Variants in PARVA observed in about 807,000 individuals in gnomAD.
PARVA encodes alpha-parvin.
PARVA carries 25 observed loss-of-function variants against 52.6 expected under a neutral mutation model. That is an observed-to-expected ratio of 0.48 (90% confidence interval 0.35 to 0.66). PARVA has a LOEUF of 0.66. Ranked by LOEUF, PARVA falls within the 30% of genes least tolerant of loss-of-function variation. PARVA has a pLI of 0.01. For missense variants in PARVA, 373 were observed against 450.9 expected (o/e 0.83, Z 1.56); for synonymous variants, 185 against 179.1 (o/e 1.03, Z -0.26).
At position 12,444,470 on chromosome 11, in the gene PARVA, G is replaced by C. The variant is rs184454234; in HGVS notation, c.137-29275G>C. Among the ~76,000 whole-genome samples, 427 of 151,836 alleles carry C rather than the reference G, an allele frequency of 2.8e-3. 3 individuals carry two copies. Among genetic ancestry groups the C allele is most frequent in the Middle Eastern group, 6.8e-3 (2 of 294 alleles). On this transcript the variant is annotated intron_variant, in intron 1 of 12. Coordinates refer to ENST00000334956, the MANE Select transcript of PARVA (RefSeq NM_018222.5). ...TTCTTTTTTTTTTATAGAGATATAGGGTCTCACTCTGTTGCCCAGGCTGGA... is the reference window on the plus strand; with the variant it reads ...TTCTTTTTTTTTTATAGAGATATAGCGTCTCACTCTGTTGCCCAGGCTGGA...
At chr11:12,513,887 G>C in intron 9 of PARVA, 110 bp from the exon 10 acceptor site, 1 of 972,512 alleles carries the variant, frequency 1.0e-6, no homozygotes, top group Middle Eastern at 2.6e-4. Context: ...GGCTGGGCCT[G>C]ATCCTCTGCT....
chr11:12,387,502 C>T (rs900255447), intron 1 of PARVA, among the ~76,000 whole-genome samples: 24 of 152,092 alleles, frequency 1.6e-4, no homozygotes, highest in Admixed American at 6.6e-5. Flanking sequence ...TCTGCTTTAA[C>T]CTTGGATGAC....
intron 4 of PARVA, among the ~76,000 whole-genome samples, chr11:12,491,517 G>A (rs1025175928): frequency 6.6e-6 from 1 of 152,148 alleles, no homozygotes; most frequent in Non-Finnish European, 1.5e-5. Flanking sequence ...AAGAAAAAGG[G>A]TGGAAATAAT....
intron 7 of PARVA, among the ~76,000 whole-genome samples, chr11:12,509,595 C>T (rs146290765): frequency 4.1e-4 from 63 of 152,300 alleles, no homozygotes; most frequent in Admixed American, 1.8e-3. Flanking sequence ...GGGCACTGCC[C>T]GTCTAGATCA....
chr11:12,473,548 G>A (rs1289772639), intron 1 of PARVA, among the ~76,000 whole-genome samples, 197 bp from the exon 2 acceptor site: 1 of 152,168 alleles, frequency 6.6e-6, no homozygotes, highest in African/African-American at 2.4e-5. Flanking sequence ...GTGACAGCTG[G>A]CAGAGGTGAG....
intron 4 of PARVA, among the ~76,000 whole-genome samples, chr11:12,487,180 ACAGGTATGACTC>A (rs1941171039): frequency 6.6e-6 from 1 of 152,186 alleles, no homozygotes; most frequent in Non-Finnish European, 1.5e-5. Context: ...TGGATGTTGA[ACAGGTATGACTC>A]CATGAACCCC....
chr11:12,385,585 T>C (rs971518978), intron 1 of PARVA, among the ~76,000 whole-genome samples: 12 of 152,160 alleles, frequency 7.9e-5, no homozygotes, highest in African/African-American at 2.9e-4. Flanking sequence ...AGCAACTTTT[T>C]CTGAAAGGGC....
chr11:12,489,800 G>C (rs1941208655), intron 4 of PARVA, among the ~76,000 whole-genome samples: 1 of 152,168 alleles, frequency 6.6e-6, no homozygotes, highest in Non-Finnish European at 1.5e-5. Flanking sequence ...AACAAAAAAA[G>C]CCAAAAGATA....
chr11:12,381,555 C>T (rs931626291), intron 1 of PARVA, among the ~76,000 whole-genome samples: 2 of 152,112 alleles, frequency 1.3e-5, no homozygotes, highest in Non-Finnish European at 2.9e-5. Context: ...GACATTGACC[C>T]CCTGTACAGT....
Position 12,399,156 on chromosome 11 carries a change from C to T in PARVA, c.136+21373C>T, listed in dbSNP as rs546578945. ...TCATTCTGCCGCTCAGTATATATTACATTTCTATAGAAAAGTTTTCCAAAC... is the reference window on the plus strand; with the variant it reads ...TCATTCTGCCGCTCAGTATATATTATATTTCTATAGAAAAGTTTTCCAAAC... On this transcript the variant is annotated intron_variant, in intron 1 of 12. Transcript: ENST00000334956. Among the ~76,000 whole-genome samples the T allele has an allele frequency of 3.3e-5, 5 of 152,330 alleles. No individual in the cohort carries two copies. In the South Asian group the frequency reaches 1.0e-3, roughly 32 times the overall value.
At chr11:12,505,827 T>C (rs975794806) in intron 6 of PARVA, among the ~76,000 whole-genome samples, 4 of 152,232 alleles carry the variant, frequency 2.6e-5, no homozygotes, top group Non-Finnish European at 5.9e-5. Context: ...ATGCAATTCT[T>C]TATGTTTTTA....
chr11:12,469,932 T>C (rs1344304904), intron 1 of PARVA, among the ~76,000 whole-genome samples: 1 of 152,214 alleles, frequency 6.6e-6, no homozygotes, highest in South Asian at 2.1e-4. Context: ...GCTTCAAATA[T>C]TGCGTTTCTA....
chr11:12,527,710 C>T (rs937831693), intron 12 of PARVA, 139 bp from the exon 13 acceptor site: 8 of 715,002 alleles, frequency 1.1e-5, no homozygotes, highest in South Asian at 8.1e-5. Context: ...TCTGAATTCT[C>T]GCTGCCCACT....
chr11:12,487,789 A>G (rs1941179486), intron 4 of PARVA, among the ~76,000 whole-genome samples: 1 of 152,200 alleles, frequency 6.6e-6, no homozygotes, highest in Admixed American at 6.5e-5. Flanking sequence ...ACATAGAAAA[A>G]GGCATGGTAG....
At position 12,462,064 on chromosome 11, in the gene PARVA, G is replaced by T. The variant is rs1940790343; in HGVS notation, c.137-11681G>T. Reference sequence around the variant, plus strand: ...TCTTGTTTAAGGGACTGGGTTGGGGGGTGCAGATTTTGCATTTTCTTCTGG... The same window carrying T: ...TCTTGTTTAAGGGACTGGGTTGGGGTGTGCAGATTTTGCATTTTCTTCTGG... On this transcript the variant is annotated intron_variant, in intron 1 of 12. Coordinates refer to ENST00000334956, the MANE Select transcript of PARVA (RefSeq NM_018222.5). 1.3e-5 allele frequency among the ~76,000 whole-genome samples: 2 copies of T among 152,054 alleles called. 1 individual carries two copies. The highest frequency in any genetic ancestry group is 4.8e-5 in the African/African-American group (2 of 41,392).
intron 1 of PARVA, among the ~76,000 whole-genome samples, 199 bp from the exon 2 acceptor site, chr11:12,473,528 AGCAAGTGAAGTGACAGCT>A (rs1940961375): frequency 6.6e-6 from 1 of 152,158 alleles, no homozygotes; most frequent in African/African-American, 2.4e-5. Context: ...CCCTGAGGAA[AGCAAGTGAAGTGACAGCT>A]GGCAGAGGTG....
chr11:12,417,044 C>T (rs1223628615), intron 1 of PARVA, among the ~76,000 whole-genome samples: 1 of 152,086 alleles, frequency 6.6e-6, no homozygotes, highest in Non-Finnish European at 1.5e-5. Context: ...TTGAGAAGGC[C>T]AAGGGCTGGT....
At chr11:12,384,481 G>A (rs1380116484) in intron 1 of PARVA, among the ~76,000 whole-genome samples, 4 of 152,176 alleles carry the variant, frequency 2.6e-5, no homozygotes, top group African/African-American at 9.7e-5. Context: ...AGATAAATTG[G>A]TAATGTTTGT....
At chr11:12,501,691 A>G (rs140942616) in intron 5 of PARVA, among the ~76,000 whole-genome samples, 3 of 152,230 alleles carry the variant, frequency 2.0e-5, no homozygotes, top group African/African-American at 4.8e-5. Flanking sequence ...ACATCATAGT[A>G]TATTACACAG....
Sources: gnomAD v4.1 joint callset for allele counts (sites outside exome capture counted in the v4.1 genomes callset) on GRCh38, gnomAD v4.1.1 for gene constraint, MANE v1.5 for transcripts, NCBI Gene and HGNC (gene_info 2026-07-23, HGNC 2026-07-21) for gene names.